The following DPYSL2 variants were observed in gnomAD, a reference collection of about 807,000 sequenced individuals.
DPYSL2 encodes the protein dihydropyrimidinase like 2, also known as dihydropyrimidinase-related protein 2.
In DPYSL2, 13 loss-of-function variants were observed where a neutral mutation model predicts 69.9. The observed-to-expected ratio is 0.19, with a 90% CI of 0.12 to 0.30. The LOEUF (loss-of-function observed/expected upper bound fraction) is 0.30. Among genes scored for constraint, DPYSL2 ranks in the 10% least tolerant of loss-of-function variants. The probability of loss-of-function intolerance (pLI) is 1.00; values close to 1 mark genes in which losing one functional copy is unlikely to be tolerated. For missense variants in DPYSL2, 587 were observed against 918.9 expected (o/e 0.64, Z 4.67); for synonymous variants, 326 against 359.1 (o/e 0.91, Z 1.04).
At chr8:26,599,846 A>C (rs1801952266) in intron 3 of DPYSL2, among the ~76,000 whole-genome samples, 1 of 152,216 alleles carries the variant, frequency 6.6e-6, no homozygotes. Context: ...TGGAAGCATC[A>C]CTACCATCTA....
At chr8:26,534,026 T>C (rs1200423117) in intron 1 of DPYSL2, among the ~76,000 whole-genome samples, 1 of 152,146 alleles carries the variant, frequency 6.6e-6, no homozygotes, top group Non-Finnish European at 1.5e-5. Flanking sequence ...AATGAAATGG[T>C]AGTGGGCTGT....
At chr8:26,561,796 C>A (rs1801075356) in intron 1 of DPYSL2, among the ~76,000 whole-genome samples, 1 of 152,164 alleles carries the variant, frequency 6.6e-6, no homozygotes, top group African/African-American at 2.4e-5. Flanking sequence ...AGGGTTCGAG[C>A]TCCTATGAAG....
In DPYSL2 at chr8:26,560,161, C is replaced by T. The variant is rs140217032; in HGVS notation, c.355-21808C>T. On this transcript the variant is annotated intron_variant, in intron 1 of 13. Coordinates refer to ENST00000521913, the MANE Select transcript of DPYSL2 (RefSeq NM_001197293.3). This position sits in a 1 kb window ranked among gnomAD's most constrained non-coding sequence, Gnocchi z 4.4. The stretch of plus-strand genomic sequence containing the variant: ...TGTAATAATTAATCAGGAGCAGACG[C>T]GACCATTCCCGACGGCCTTGGCAGC... 5.9e-5 allele frequency among the ~76,000 whole-genome samples: 9 copies of T among 152,282 alleles called. No individual in the cohort carries two copies. Among genetic ancestry groups the T allele is most frequent in the African/African-American group, 1.4e-4 (6 of 41,556 alleles).
intron 1 of DPYSL2, among the ~76,000 whole-genome samples, chr8:26,567,494 A>G (rs1383838431): frequency 2.6e-5 from 4 of 152,238 alleles, no homozygotes; most frequent in Admixed American, 1.3e-4. Flanking sequence ...ATGAGGAGAG[A>G]GAAAGTATAG....
intron 1 of DPYSL2, among the ~76,000 whole-genome samples, chr8:26,535,616 G>GAT (rs542036370): frequency 0.012 from 1,801 of 147,898 alleles, 23 homozygotes; most frequent in South Asian, 0.068. Context: ...AAAACAGACT[G>GAT]ATATATATAT....
Position 26,514,200 on chromosome 8 carries a change from A to G in DPYSL2, c.-126A>G, listed in dbSNP as rs1808230719. The G allele has an allele frequency of 1.2e-6, 1 of 837,682 alleles. No individual in the cohort carries two copies. The highest frequency in any genetic ancestry group is 1.7e-6 in the Non-Finnish European group (1 of 590,174). The allele number at this position is 837,682 out of a possible 1,614,324, so 51.9% of individuals were successfully genotyped here. A position where few individuals can be genotyped will look rare whatever the true frequency, so the allele number is the denominator to read the frequency against. Reference sequence around the variant, plus strand: ...CGCCAGCCCTCCTTCCTTTCTGTGCACCTTGCGGTGGGCGGCGAACGGCAG... The same window carrying G: ...CGCCAGCCCTCCTTCCTTTCTGTGCGCCTTGCGGTGGGCGGCGAACGGCAG... On this transcript the variant is annotated 5_prime_UTR_variant, in exon 1 of 14. Transcript: ENST00000521913. The surrounding 1 kb of genome is among the most constrained non-coding windows in gnomAD (Gnocchi z 8.4).
rs1280903993 is a variant in DPYSL2 at position 26,653,047 on chromosome 8, T to C, written c.1777-185T>C. ...AGTTTTTGTAGAGTTAACCAGTTAC[T>C]GGACCTTGTGGGGAGTTTTGGCCTG... On this transcript the variant is annotated intron_variant, in intron 12 of 13. Coordinates refer to ENST00000521913, the MANE Select transcript of DPYSL2 (RefSeq NM_001197293.3). This position sits in a 1 kb window ranked among gnomAD's most constrained non-coding sequence, Gnocchi z 5.7. Among the ~76,000 whole-genome samples, 1 of 152,140 alleles carries C rather than the reference T, an allele frequency of 6.6e-6. No homozygotes were observed. The highest frequency in any genetic ancestry group is 2.4e-5 in the African/African-American group (1 of 41,420).
rs1802174382 is a variant in DPYSL2 at position 26,609,181 on chromosome 8, G to A, written c.629-14962G>A. Among the ~76,000 whole-genome samples the A allele has an allele frequency of 6.6e-6, 1 of 152,180 alleles. No homozygotes were observed. The highest frequency in any genetic ancestry group is 1.5e-5 in the Non-Finnish European group (1 of 68,038). ...AAATGATGTCTTGAAATAGAGGGGTGAGCATCACCTCATTTATTTCAACCC... is the reference window on the plus strand; with the variant it reads ...AAATGATGTCTTGAAATAGAGGGGTAAGCATCACCTCATTTATTTCAACCC... On this transcript the variant is annotated intron_variant, in intron 3 of 13. Coordinates refer to ENST00000521913, the MANE Select transcript of DPYSL2 (RefSeq NM_001197293.3). The surrounding 1 kb of genome is among the most constrained non-coding windows in gnomAD (Gnocchi z 6.5).
rs141721547 is a variant in DPYSL2, at chr8:26,647,712, A to G, written c.1508A>G (p.Lys503Arg). ...AAKVFNLYPR[K>R]GRIAVGSDAD... ...AAAGTCTTCAACCTTTACCCCCGGA[A>G]AGGCCGCATTGCTGTGGGATCCGAT... Residue 503 changes from lysine to arginine, a missense_variant, in exon 11 of 14, where the codon AAA (lysine) becomes AGA (arginine). Physicochemically the swap from Lys to Arg is conservative, Grantham distance 26 (BLOSUM62 2). Transcript: ENST00000521913. This position sits in a 1 kb window ranked among gnomAD's most constrained non-coding sequence, Gnocchi z 5.1. 8 of 1,614,084 alleles carry G rather than the reference A, an allele frequency of 5.0e-6. No homozygotes were observed. The highest frequency in any genetic ancestry group is 6.8e-6 in the Non-Finnish European group (8 of 1,180,046).
At position 26,650,656 on chromosome 8, in the gene DPYSL2, A is replaced by C. The variant is rs1585574741; in HGVS notation, c.1597-1601A>C. ...GAAAGAAAACATGCCCAAGACGAGG[A>C]GTCTCATAGGAGACTGGGCCACCAA... is the stretch of plus-strand genomic sequence containing the variant. On this transcript the variant is annotated intron_variant, in intron 11 of 13. Coordinates refer to ENST00000521913, the MANE Select transcript of DPYSL2 (RefSeq NM_001197293.3). This position sits in a 1 kb window ranked among gnomAD's most constrained non-coding sequence, Gnocchi z 5.3. Among the ~76,000 whole-genome samples, 1 of 152,218 alleles carries C rather than the reference A, an allele frequency of 6.6e-6. No homozygotes were observed. The highest frequency in any genetic ancestry group is 1.5e-5 in the Non-Finnish European group (1 of 68,044).
In DPYSL2 at chr8:26,636,542, C is replaced by T. The variant is rs573418476; in HGVS notation, c.1126+1642C>T. On this transcript the variant is annotated intron_variant, in intron 8 of 13. Coordinates refer to ENST00000521913, the MANE Select transcript of DPYSL2 (RefSeq NM_001197293.3). Reference sequence around the variant, plus strand: ...ATTCAAACCTGTCCAAATGAGAAGACGGAGGGGTCCTACATGTCCCAGACT... The same window carrying T: ...ATTCAAACCTGTCCAAATGAGAAGATGGAGGGGTCCTACATGTCCCAGACT... 3.3e-5 allele frequency among the ~76,000 whole-genome samples: 5 copies of T among 152,290 alleles called. No individual in the cohort carries two copies. The East Asian group carries it at 7.7e-4, about 24-fold the overall frequency.
intron 3 of DPYSL2, among the ~76,000 whole-genome samples, chr8:26,606,002 AG>A (rs894981549): frequency 1.3e-5 from 2 of 152,188 alleles, no homozygotes; most frequent in Non-Finnish European, 2.9e-5. Context: ...ATATTCAAAA[AG>A]GTCATAATGA....
rs755234822 is a variant in DPYSL2 at position 26,586,820 on chromosome 8, A to G, written c.628+2837A>G. On this transcript the variant is annotated intron_variant, in intron 3 of 13. Transcript: ENST00000521913. The surrounding 1 kb of genome is among the most constrained non-coding windows in gnomAD (Gnocchi z 4.7). The stretch of plus-strand genomic sequence containing the variant: ...GCTTCCTTGGCCAGAATGCTATGGC[A>G]TTTGCACGGAGGCTGTGTGATGCGA... Among the ~76,000 whole-genome samples, 1 of 152,100 alleles carries G rather than the reference A, an allele frequency of 6.6e-6. No individual in the cohort carries two copies. Among genetic ancestry groups the G allele is most frequent in the Non-Finnish European group, 1.5e-5 (1 of 68,034 alleles).
At chr8:26,589,185 C>T (rs1411891031) in intron 3 of DPYSL2, among the ~76,000 whole-genome samples, 3 of 152,196 alleles carry the variant, frequency 2.0e-5, no homozygotes, top group Non-Finnish European at 4.4e-5. Context: ...GCCAGGGATG[C>T]CCTCCCTTTC....
chr8:26,528,067 TGA>T (rs1808510689), intron 1 of DPYSL2, among the ~76,000 whole-genome samples: 1 of 152,192 alleles, frequency 6.6e-6, no homozygotes, highest in South Asian at 2.1e-4. Flanking sequence ...CCCAAAGTGC[TGA>T]GATTACAGGC....
chr8:26,623,639 C>G (rs1802548074), intron 3 of DPYSL2, among the ~76,000 whole-genome samples: 1 of 152,170 alleles, frequency 6.6e-6, no homozygotes, highest in Non-Finnish European at 1.5e-5. Context: ...CCTTAAATTA[C>G]AAAGTGGTAT....
chr8:26,576,847 C>T (rs1159590015), intron 1 of DPYSL2, among the ~76,000 whole-genome samples: 1 of 152,238 alleles, frequency 6.6e-6, no homozygotes, highest in East Asian at 1.9e-4. Context: ...ACTGTAAACC[C>T]TCAGGACCCC....
At position 26,582,514 on chromosome 8, in the gene DPYSL2, C is replaced by G. The variant is rs537363915; in HGVS notation, c.443+457C>G. On this transcript the variant is annotated intron_variant, in intron 2 of 13. Coordinates refer to ENST00000521913, the MANE Select transcript of DPYSL2 (RefSeq NM_001197293.3). This position sits in a 1 kb window ranked among gnomAD's most constrained non-coding sequence, Gnocchi z 4.1. ...CCAAAGAAAGATACCAAGTTAATTA[C>G]TAAGTAATACAGACAAATTACTGCC... Among the ~76,000 whole-genome samples, 1 of 152,342 alleles carries G rather than the reference C, an allele frequency of 6.6e-6. No individual in the cohort carries two copies. Among genetic ancestry groups the G allele is most frequent in the South Asian group, 2.1e-4 (1 of 4,834 alleles).
intron 1 of DPYSL2, among the ~76,000 whole-genome samples, chr8:26,545,676 A>AGAATCACTT (rs1234673653): frequency 6.6e-6 from 1 of 152,160 alleles, no homozygotes; most frequent in Non-Finnish European, 1.5e-5. Flanking sequence ...CTGAGGCAGG[A>AGAATCACTT]GAATCACTTG....
Sources: allele counts gnomAD v4.1 joint callset (sites outside exome capture counted in the v4.1 genomes callset), GRCh38; gene constraint gnomAD v4.1.1; non-coding constraint Gnocchi (gnomAD v3.1); transcripts MANE v1.5; gene names NCBI Gene and HGNC (gene_info 2026-07-23, HGNC 2026-07-21).